The following PPP4R1 variants were observed in gnomAD, a reference collection of about 807,000 sequenced individuals.
The protein encoded by PPP4R1 is protein phosphatase 4 regulatory subunit 1.
A neutral mutation model predicts 111.2 loss-of-function variants in PPP4R1; 42 were observed. The ratio of observed to expected loss-of-function variants is 0.38; its 90% CI spans 0.29 to 0.49. The LOEUF is 0.49. PPP4R1 is among the 20% of genes least tolerant of loss of function. The probability of loss-of-function intolerance (pLI) is 0.97; values close to 1 mark genes in which losing one functional copy is unlikely to be tolerated. For missense variants in PPP4R1, 1,012 were observed against 1,161.6 expected, an observed-to-expected ratio of 0.87 and a Z score of 1.87; for synonymous variants, 409 against 405.5, an observed-to-expected ratio of 1.01 and a Z score of -0.10.
Position 9,614,395 on chromosome 18 carries a change from G to A in PPP4R1, c.7+83C>T. 1.0e-6 allele frequency: 1 copy of A among 989,284 alleles called. No homozygotes were observed. The highest frequency in any genetic ancestry group is 1.2e-6 in the Non-Finnish European group (1 of 835,106). 61.3% of individuals were successfully genotyped at this position (989,284 alleles called of 1,614,324 possible). A position where few individuals can be genotyped will look rare whatever the true frequency, so the allele number is the denominator to read the frequency against. On this transcript the variant is annotated intron_variant, in intron 1 of 19. Transcript: ENST00000400556. This position sits in a 1 kb window ranked among gnomAD's most constrained non-coding sequence, Gnocchi z 4.1. ...CGCGCCGGGACCCCACGCCGGCCCCGGCCCGGCAGCCACTCAGGGCTGCGG... is the reference window on the plus strand; with the variant it reads ...CGCGCCGGGACCCCACGCCGGCCCCAGCCCGGCAGCCACTCAGGGCTGCGG...
At chr18:9,588,888 C>A in intron 4 of PPP4R1, 35 bp from the exon 5 acceptor site, 2 of 1,601,740 alleles carry the variant, frequency 1.2e-6, no homozygotes, top group South Asian at 1.1e-5. Context: ...CAAACATGTT[C>A]TCCTGCAGCA....
intron 16 of PPP4R1, chr18:9,551,543 G>A (rs1177064419): frequency 6.6e-6 from 1 of 152,266 alleles, no homozygotes; most frequent in Non-Finnish European, 1.5e-5. Context: ...AGATGGTCAG[G>A]AAAAACAGGA....
At chr18:9,584,627 T>G (rs749551047) in intron 7 of PPP4R1, 47 bp from the exon 8 acceptor site, 4 of 1,604,946 alleles carry the variant, frequency 2.5e-6, no homozygotes, top group Non-Finnish European at 3.4e-6. Flanking sequence ...ACACATAAGG[T>G]TCTTCTAAGA....
intron 2 of PPP4R1, among the ~76,000 whole-genome samples, chr18:9,596,363 TC>T (rs1345516917): frequency 1.3e-5 from 2 of 152,196 alleles, no homozygotes; most frequent in East Asian, 3.8e-4. Context: ...TCCTGGCACT[TC>T]CTATTCTATC....
intron 2 of PPP4R1, among the ~76,000 whole-genome samples, chr18:9,601,701 C>T (rs1428000890): frequency 6.6e-6 from 1 of 152,042 alleles, no homozygotes; most frequent in Non-Finnish European, 1.5e-5. Context: ...CCATGTTGCC[C>T]AGGTTGGTCT....
intron 11 of PPP4R1, among the ~76,000 whole-genome samples, chr18:9,568,287 G>A (rs2066803048): frequency 6.6e-6 from 1 of 152,124 alleles, no homozygotes; most frequent in Admixed American, 6.5e-5. Flanking sequence ...AGCCTCCCAG[G>A]TAGCTGAGAT....
rs190535802 is a variant in PPP4R1, at chr18:9,583,170, G to A, written c.865C>T (p.Arg289Trp). ...VSCATCQEIR[R>W]TKLSALFINL... ...ATAAAAAGTGCTGATAATTTGGTCC[G>A]TCGGATTTCTTGACATGTTGCACAT... is the stretch of plus-strand genomic sequence containing the variant. Residue 289 changes from arginine (R) to tryptophan (W), a missense_variant, in exon 9 of 20, where the codon CGG (arginine) becomes TGG (tryptophan). By Grantham distance (101) the Arg-to-Trp change is moderately radical (BLOSUM62 -3). Around this residue, in one of 2 missense-constraint regions of PPP4R1, gnomAD observed 707 missense variants for 742.1 expected, o/e 0.95. Coordinates refer to ENST00000400556, the MANE Select transcript of PPP4R1 (RefSeq NM_001042388.3). 5 of 1,611,788 alleles carry A rather than the reference G, an allele frequency of 3.1e-6. No homozygotes were observed. The highest frequency in any genetic ancestry group is 2.2e-5 in the East Asian group (1 of 44,798).
intron 19 of PPP4R1, 66 bp downstream of exon 19, chr18:9,549,131 G>T: frequency 6.5e-7 from 1 of 1,546,952 alleles, no homozygotes; most frequent in Non-Finnish European, 8.9e-7. Flanking sequence ...GATATCTGCT[G>T]ATCCAGTGCA....
chr18:9,572,057 A>C (rs1311387856), intron 10 of PPP4R1, among the ~76,000 whole-genome samples: 1 of 152,232 alleles, frequency 6.6e-6, no homozygotes, highest in African/African-American at 2.4e-5. Flanking sequence ...GCAAAAATCA[A>C]CAGGACTTTT....
chr18:9,570,557 G>A lies in PPP4R1; in HGVS notation c.1173C>T (p.Ser391=), dbSNP rs377578720. The change falls in exon 11 of 20, where the codon TCC becomes TCT. Residue 391 remains serine, a synonymous_variant. Transcript: ENST00000400556. ...NTMEDHAAEA[S]GKPLGEISVP... Reference sequence around the variant, plus strand: ...CACTAATTTCACCTAGAGGCTTCCCGGATGCCTCAGCAGCATGGTCTTCCA... The same window carrying A: ...CACTAATTTCACCTAGAGGCTTCCCAGATGCCTCAGCAGCATGGTCTTCCA... The A allele has an allele frequency of 6.8e-6, 11 of 1,614,010 alleles. No individual in the cohort carries two copies. The highest frequency in any genetic ancestry group is 3.3e-5 in the Admixed American group (2 of 60,000).
At chr18:9,577,983 G>A (rs9946612) in intron 9 of PPP4R1, among the ~76,000 whole-genome samples, 30,429 of 152,130 alleles carry the variant, frequency 0.2, 3,374 homozygotes, top group East Asian at 0.49. Context: ...TTAACTTAAA[G>A]TATGTCACAA....
chr18:9,588,101 T>G lies in PPP4R1; in HGVS notation c.573A>C (p.Thr191=). ...TAPDSNDDVK[T]EAVAIMCKMA... is the part of the protein sequence containing the mutation. ...GCATTTGACTTACAGCCACAGCTTCTGTTTTCACATCATCATTGCTATCTG... is the reference window on the plus strand; with the variant it reads ...GCATTTGACTTACAGCCACAGCTTCGGTTTTCACATCATCATTGCTATCTG... Residue 191 remains threonine (T), a synonymous_variant, in exon 6 of 20, where the codon ACA becomes ACC. Transcript: ENST00000400556. 6.2e-7 allele frequency: 1 copy of G among 1,613,936 alleles called. No individual in the cohort carries two copies. Among genetic ancestry groups the G allele is most frequent in the African/African-American group, 1.3e-5 (1 of 75,050 alleles).
chr18:9,614,204 A>C lies in PPP4R1; in HGVS notation c.52+22T>G. On this transcript the variant is annotated intron_variant, in intron 2 of 19. Transcript: ENST00000400556. This position sits in a 1 kb window ranked among gnomAD's most constrained non-coding sequence, Gnocchi z 4.1. ...GCCGCTCCCCGCGGACTGCCAGGCC[A>C]CCGCGAGGCCGGGCCACTCACATCC... 7.5e-7 allele frequency: 1 copy of C among 1,340,070 alleles called. No individual in the cohort carries two copies. The highest frequency in any genetic ancestry group is 9.7e-7 in the Non-Finnish European group (1 of 1,032,468). 83.0% of individuals were successfully genotyped at this position (1,340,070 alleles called of 1,614,324 possible).
At chr18:9,603,887 G>A (rs759859074) in intron 2 of PPP4R1, among the ~76,000 whole-genome samples, 26 of 152,116 alleles carry the variant, frequency 1.7e-4, no homozygotes, top group Non-Finnish European at 2.9e-4. Context: ...GTAAATTTCT[G>A]TGTGGAAAAT....
At chr18:9,563,154 C>A in intron 12 of PPP4R1, 2 of 1,224,434 alleles carry the variant, frequency 1.6e-6, no homozygotes, top group East Asian at 3.4e-5. Context: ...ACTAAATGGT[C>A]ATATAGACAG....
intron 2 of PPP4R1, among the ~76,000 whole-genome samples, chr18:9,608,988 G>T (rs538676115): frequency 6.6e-6 from 1 of 152,198 alleles, no homozygotes; most frequent in Middle Eastern, 3.4e-3. Flanking sequence ...TTTTTTGGAG[G>T]GGGGAGGGCA....
At chr18:9,573,454 C>G (rs536744399) in intron 10 of PPP4R1, among the ~76,000 whole-genome samples, 1 of 152,056 alleles carries the variant, frequency 6.6e-6, no homozygotes, top group African/African-American at 2.4e-5. Flanking sequence ...TTTGTGATAT[C>G]CTTGCAAAAT....
At chr18:9,594,802 A>ATTT (rs71168074) in intron 3 of PPP4R1, 46 of 396,960 alleles carry the variant, frequency 1.2e-4, no homozygotes, top group South Asian at 2.5e-4. Context: ...ATTAATGGTA[A>ATTT]TTTTTTTTTT....
At chr18:9,575,972 C>G (rs907311619) in intron 10 of PPP4R1, among the ~76,000 whole-genome samples, 1 of 152,212 alleles carries the variant, frequency 6.6e-6, no homozygotes, top group Non-Finnish European at 1.5e-5. Flanking sequence ...CACCCACCAT[C>G]ATCACTTTTG....
Sources: allele counts gnomAD v4.1 joint callset (sites outside exome capture counted in the v4.1 genomes callset), GRCh38; gene constraint gnomAD v4.1.1; regional missense constraint gnomAD v4.1.1; non-coding constraint Gnocchi (gnomAD v3.1); transcripts MANE v1.5; gene names NCBI Gene and HGNC (gene_info 2026-07-23, HGNC 2026-07-21).